The following LRRC45 variants were observed in gnomAD, a reference collection of about 807,000 sequenced individuals.
LRRC45 encodes leucine-rich repeat-containing protein 45.
A neutral mutation model predicts 85.4 loss-of-function variants in LRRC45; 73 were observed. The observed-to-expected ratio is 0.85, with a 90% CI of 0.71 to 1.04. LRRC45 has a LOEUF of 1.04. LRRC45 is among the 50% of genes least tolerant of loss of function. The pLI, the probability that LRRC45 is intolerant of heterozygous loss-of-function variation, is 0.00. For synonymous variants in LRRC45, 429 were observed against 386.0 expected (o/e 1.11, Z -1.31); for missense variants, 937 against 883.3 (o/e 1.06, Z -0.77).
chr17:82,023,521 T>TCTC lies in LRRC45; in HGVS notation c.-121_-119dup. 1 of 870,914 alleles carries TCTC rather than the reference T, an allele frequency of 1.1e-6. No individual in the cohort carries two copies. The highest frequency in any genetic ancestry group is 1.8e-5 in the South Asian group (1 of 54,116). 53.9% of individuals were successfully genotyped at this position (870,914 alleles called of 1,614,324 possible). A position where few individuals can be genotyped will look rare whatever the true frequency, so the allele number is the denominator to read the frequency against. On this transcript the variant is annotated 5_prime_UTR_variant, in exon 1 of 17. Transcript: ENST00000306688. ...CGCCCGCGGAGCCCACTCGGATTGC[T>TCTC]CTCCGCCCGGGTCGGCGGAGGCCCC...
chr17:82,026,834 C>T (rs537824751), intron 5 of LRRC45, 65 bp from the exon 6 acceptor site: 1 of 1,358,742 alleles, frequency 7.4e-7, no homozygotes, highest in Non-Finnish European at 1.0e-6. Flanking sequence ...CCCACCTCGA[C>T]CTCCCAAAGT....
chr17:82,027,807 G>C, intron 8 of LRRC45, 56 bp downstream of exon 8: 4 of 1,582,670 alleles, frequency 2.5e-6, no homozygotes, highest in Non-Finnish European at 3.4e-6. Flanking sequence ...GGCAGAGAAA[G>C]GTGGTGTGAA....
Position 82,029,305 on chromosome 17 carries a change from C to T in LRRC45, c.1401+120C>T, listed in dbSNP as rs576724466. 3.4e-4 allele frequency: 372 copies of T among 1,078,930 alleles called. 1 individual carries two copies. Among genetic ancestry groups the T allele is most frequent in the South Asian group, 2.7e-3 (168 of 63,282 alleles). The allele number at this position is 1,078,930 out of a possible 1,614,324, so 66.8% of individuals were successfully genotyped here. ...CTTCCTGTTCCCAGAGGCTCATAGG[C>T]CCCACCTTGGGGACCCACCCACCAG... is the stretch of plus-strand genomic sequence containing the variant. On this transcript the variant is annotated intron_variant, in intron 13 of 16. Transcript: ENST00000306688.
At chr17:82,027,470 G>A in intron 7 of LRRC45, 26 bp downstream of exon 7, 2 of 1,612,488 alleles carry the variant, frequency 1.2e-6, no homozygotes, top group Non-Finnish European at 8.5e-7. Context: ...GCAGGGGCAG[G>A]GTGAGGCTTC....
intron 6 of LRRC45, 34 bp from the exon 7 acceptor site, chr17:82,027,352 G>C: frequency 6.2e-7 from 1 of 1,611,544 alleles, no homozygotes; most frequent in African/African-American, 1.3e-5. Flanking sequence ...GGCTGCAGGT[G>C]CCCTGACAGG....
In LRRC45 at chr17:82,027,377, T is replaced by G. The variant is rs1158712647; in HGVS notation, c.775-9T>G. The stretch of plus-strand genomic sequence containing the variant: ...GCCCTGACAGGGCTGCGGCTGTCTC[T>G]GTCCCCAGTTCCTCGACTTGATGGA... On this transcript the variant is annotated splice_polypyrimidine_tract_variant and intron_variant, in intron 6 of 16. Transcript: ENST00000306688. 6.2e-7 allele frequency: 1 copy of G among 1,612,576 alleles called. No individual in the cohort carries two copies. The highest frequency in any genetic ancestry group is 2.2e-5 in the East Asian group (1 of 44,886).
Position 82,030,844 on chromosome 17 carries a change from A to C in LRRC45, c.*39A>C. 1 of 1,297,052 alleles carries C rather than the reference A, an allele frequency of 7.7e-7. No homozygotes were observed. The highest frequency in any genetic ancestry group is 9.9e-7 in the Non-Finnish European group (1 of 1,008,892). The allele number at this position is 1,297,052 out of a possible 1,614,324, so 80.3% of individuals were successfully genotyped here. A position where few individuals can be genotyped will look rare whatever the true frequency, so the allele number is the denominator to read the frequency against. On this transcript the variant is annotated 3_prime_UTR_variant, in exon 17 of 17. Coordinates refer to ENST00000306688, the MANE Select transcript of LRRC45 (RefSeq NM_144999.4). The stretch of plus-strand genomic sequence containing the variant: ...GACCCGGGCGCAGTAGGAGTGCATC[A>C]GGCGGCGCCCGAGATGGACCAGGGG...
Position 82,030,661 on chromosome 17 carries a change from GTC to G in LRRC45, c.1874_1875del (p.Leu625ProfsTer56), listed in dbSNP as rs776352884. On this transcript the variant is annotated frameshift_variant, in exon 17 of 17. Coordinates refer to ENST00000306688, the MANE Select transcript of LRRC45 (RefSeq NM_144999.4). LOFTEE classifies it high-confidence loss of function. ...ALLDRESENA[S>X]LREKLRLREA... is the part of the protein sequence containing the mutation. ...TGCTGGACAGGGAGAGCGAGAACGC[GTC>G]TCTCCGGGAGAAGCTGCGGCTCCGG... is the stretch of plus-strand genomic sequence containing the variant. The G allele has an allele frequency of 1.4e-6, 2 of 1,441,626 alleles. No homozygotes were observed. Among genetic ancestry groups the G allele is most frequent in the East Asian group, 2.7e-5 (1 of 36,368 alleles). 89.3% of individuals were successfully genotyped at this position (1,441,626 alleles called of 1,614,324 possible).
chr17:82,023,499 C>T lies in LRRC45; in HGVS notation c.-145C>T, dbSNP rs2043332129. On this transcript the variant is annotated 5_prime_UTR_variant, in exon 1 of 17. Coordinates refer to ENST00000306688, the MANE Select transcript of LRRC45 (RefSeq NM_144999.4). ...GCCCCGCGCTCCCAGGACCTCCCGC[C>T]CGCGGAGCCCACTCGGATTGCTCTC... The T allele has an allele frequency of 2.8e-6, 2 of 712,094 alleles. No homozygotes were observed. Among genetic ancestry groups the T allele is most frequent in the Admixed American group, 3.1e-5 (1 of 32,244 alleles). The allele number at this position is 712,094 out of a possible 1,614,324, so 44.1% of individuals were successfully genotyped here. A position where few individuals can be genotyped will look rare whatever the true frequency, so the allele number is the denominator to read the frequency against.
rs2043415732 is a variant in LRRC45 at position 82,030,912 on chromosome 17, G to A, written c.*107G>A. The stretch of plus-strand genomic sequence containing the variant: ...CGCCTCTTTGAGACCCGGGTCGTCT[G>A]TTCCACGCGGCGGTTGCGGCGACTG... On this transcript the variant is annotated 3_prime_UTR_variant, in exon 17 of 17. Coordinates refer to ENST00000306688, the MANE Select transcript of LRRC45 (RefSeq NM_144999.4). The A allele has an allele frequency of 2.3e-6, 2 of 875,958 alleles. No individual in the cohort carries two copies. Among genetic ancestry groups the A allele is most frequent in the Admixed American group, 4.2e-5 (1 of 23,838 alleles). The allele number at this position is 875,958 out of a possible 1,614,324, so 54.3% of individuals were successfully genotyped here. A position where few individuals can be genotyped will look rare whatever the true frequency, so the allele number is the denominator to read the frequency against.
rs1354947968 is a variant in LRRC45 at position 82,029,648 on chromosome 17, T to C, written c.1494+13T>C. 1 of 1,558,246 alleles carries C rather than the reference T, an allele frequency of 6.4e-7. No individual in the cohort carries two copies. Among genetic ancestry groups the C allele is most frequent in the Non-Finnish European group, 8.7e-7 (1 of 1,152,402 alleles). On this transcript the variant is annotated intron_variant, in intron 14 of 16. Transcript: ENST00000306688. ...CCGCCTGGAGGAGGTGAGCCACACA[T>C]GTCCGCCACCCTCCGGGGGAGCCAG...
At chr17:82,028,572 A>G in intron 11 of LRRC45, 41 bp from the exon 12 acceptor site, 1 of 1,612,264 alleles carries the variant, frequency 6.2e-7, no homozygotes, top group African/African-American at 1.3e-5. Context: ...GGGGGCCCCC[A>G]GGGGATGCTC....
In LRRC45 at chr17:82,027,368, G is replaced by A. The variant is rs759676024; in HGVS notation, c.775-18G>A. On this transcript the variant is annotated intron_variant, in intron 6 of 16. Coordinates refer to ENST00000306688, the MANE Select transcript of LRRC45 (RefSeq NM_144999.4). ...GCTGCAGGTGCCCTGACAGGGCTGC[G>A]GCTGTCTCTGTCCCCAGTTCCTCGA... is the stretch of plus-strand genomic sequence containing the variant. The A allele has an allele frequency of 2.6e-5, 42 of 1,612,322 alleles. 1 individual carries two copies. The highest frequency in any genetic ancestry group is 2.3e-4 in the South Asian group (21 of 91,068).
In LRRC45 at chr17:82,026,884, C is replaced by T. The variant is rs2043372490; in HGVS notation, c.662-15C>T. 3 of 1,590,370 alleles carry T rather than the reference C, an allele frequency of 1.9e-6. No homozygotes were observed. Among genetic ancestry groups the T allele is most frequent in the Non-Finnish European group, 2.6e-6 (3 of 1,171,850 alleles). On this transcript the variant is annotated splice_polypyrimidine_tract_variant and intron_variant, in intron 5 of 16. Transcript: ENST00000306688. The stretch of plus-strand genomic sequence containing the variant: ...CATGAGCCCCTGTGCCCAGCTGACA[C>T]AGCTCCTTCTGCAGAGCAAGCCATG...
chr17:82,024,550 G>C (rs947214257), intron 2 of LRRC45, 143 bp from the exon 3 acceptor site: 2 of 1,088,378 alleles, frequency 1.8e-6, no homozygotes, highest in East Asian at 2.5e-5. Context: ...GAAGCCCCCT[G>C]AAGACAGGGA....
At chr17:82,029,925 C>T in intron 14 of LRRC45, 140 bp from the exon 15 acceptor site, 1 of 1,096,994 alleles carries the variant, frequency 9.1e-7, no homozygotes, top group Non-Finnish European at 1.3e-6. Context: ...GAGGAGGTGG[C>T]TGCCAGGGGA....
chr17:82,025,141 C>T lies in LRRC45; in HGVS notation c.495C>T (p.Ala165=). The change falls in exon 4 of 17, where the codon GCC becomes GCT. Residue 165 remains alanine, a synonymous_variant. Coordinates refer to ENST00000306688, the MANE Select transcript of LRRC45 (RefSeq NM_144999.4). The part of the protein sequence containing the change: ...QISHKGAEEL[A]LALKGNTTLQ... ...GTCACAAGGGCGCGGAGGAGCTGGC[C>T]CTAGCCCTGAAGGGCAACACCACCC... 1.2e-6 allele frequency: 2 copies of T among 1,608,850 alleles called. No individual in the cohort carries two copies. Among genetic ancestry groups the T allele is most frequent in the Non-Finnish European group, 1.7e-6 (2 of 1,177,642 alleles).
At position 82,025,075 on chromosome 17, in the gene LRRC45, C is replaced by T. The variant is rs772350701; in HGVS notation, c.429C>T (p.Asn143=). Residue 143 remains asparagine (N), a synonymous_variant, in exon 4 of 17, where the codon AAC becomes AAT. Coordinates refer to ENST00000306688, the MANE Select transcript of LRRC45 (RefSeq NM_144999.4). ...CCTTCTGCGGGGGCCTGGCGGCCAA[C>T]GGCGCCCTGCAGCGGCTGGACCTCC... ...FATFCGGLAA[N]GALQRLDLRN... 39 of 1,609,690 alleles carry T rather than the reference C, an allele frequency of 2.4e-5. No individual in the cohort carries two copies. Among genetic ancestry groups the T allele is most frequent in the Admixed American group, 6.7e-5 (4 of 59,710 alleles).
intron 5 of LRRC45, chr17:82,026,668 C>T (rs573771801): frequency 1.0e-5 from 4 of 390,022 alleles, no homozygotes; most frequent in Non-Finnish European, 2.0e-5. Context: ...CAACCTCCAC[C>T]TCCCGGTTCA....
Sources: gnomAD v4.1 joint callset for allele counts on GRCh38, gnomAD v4.1.1 for gene constraint, MANE v1.5 for transcripts, NCBI Gene and HGNC (gene_info 2026-07-23, HGNC 2026-07-21) for gene names.